Variants in CNTNAP2 observed in about 807,000 individuals in gnomAD.
CNTNAP2 encodes contactin associated protein 2.
CNTNAP2 carries 98 observed loss-of-function variants against 155.2 expected under a neutral mutation model. That is an observed-to-expected ratio of 0.63 (90% CI 0.54 to 0.75). CNTNAP2 has a LOEUF of 0.75. Among genes scored for constraint, CNTNAP2 ranks in the 30% least tolerant of loss-of-function variants. The pLI is 0.00. For synonymous variants in CNTNAP2, 651 were observed against 631.2 expected, an observed-to-expected ratio of 1.03 and a Z score of -0.47; for missense variants, 1,727 against 1,688.1, an observed-to-expected ratio of 1.02 and a Z score of -0.40.
chr7:148,207,442 G>A (rs1467372448), intron 18 of CNTNAP2, among the ~76,000 whole-genome samples: 1 of 152,240 alleles, frequency 6.6e-6, no homozygotes, highest in Non-Finnish European at 1.5e-5. Flanking sequence ...TGGAAGCAGA[G>A]TGAGCACCTC....
rs527357731 is a variant in CNTNAP2 at position 147,525,684 on chromosome 7, TAAG to T, written c.1778-36450_1778-36448del. Among the ~76,000 whole-genome samples, 164 of 152,276 alleles carry T rather than the reference TAAG, an allele frequency of 1.1e-3. 1 individual carries two copies. Among genetic ancestry groups the T allele is most frequent in the African/African-American group, 3.6e-3 (148 of 41,564 alleles). ...TTTAATGGGGCTGTACGTCTTAACATAAGAAGGGAAGATTATGTTAAGAAGCCA... is the reference window on the plus strand; with the variant it reads ...TTTAATGGGGCTGTACGTCTTAACATAAGGGAAGATTATGTTAAGAAGCCA... On this transcript the variant is annotated intron_variant, in intron 11 of 23. Coordinates refer to ENST00000361727, the MANE Select transcript of CNTNAP2 (RefSeq NM_014141.6).
intron 2 of CNTNAP2, among the ~76,000 whole-genome samples, chr7:146,819,549 T>C (rs1348534365): frequency 6.6e-6 from 1 of 152,130 alleles, no homozygotes; most frequent in Non-Finnish European, 1.5e-5. Context: ...ACAGCACTTC[T>C]TTCACTAGAT....
intron 8 of CNTNAP2, among the ~76,000 whole-genome samples, chr7:147,212,180 G>A (rs1803163590): frequency 6.6e-6 from 1 of 152,134 alleles, no homozygotes; most frequent in African/African-American, 2.4e-5. Context: ...ACCATGGAAA[G>A]CAGTTTGGAG....
chr7:146,314,138 ATTC>A (rs2129091260), intron 1 of CNTNAP2, among the ~76,000 whole-genome samples: 1 of 152,232 alleles, frequency 6.6e-6, no homozygotes, highest in Non-Finnish European at 1.5e-5. Context: ...CCTATTATGT[ATTC>A]TTGTCACCTT....
At chr7:148,114,318 A>T (rs1304433726) in intron 15 of CNTNAP2, among the ~76,000 whole-genome samples, 1 of 152,226 alleles carries the variant, frequency 6.6e-6, no homozygotes, top group African/African-American at 2.4e-5. Flanking sequence ...CATCTTTAAC[A>T]CCCAGGTTAC....
chr7:147,358,229 C>T (rs1796093956), intron 9 of CNTNAP2, among the ~76,000 whole-genome samples: 1 of 152,024 alleles, frequency 6.6e-6, no homozygotes, highest in Non-Finnish European at 1.5e-5. Context: ...CTTATAAAAA[C>T]TTTGGACATA....
chr7:147,058,502 A>G (rs1799604648), intron 4 of CNTNAP2, among the ~76,000 whole-genome samples: 1 of 152,260 alleles, frequency 6.6e-6, no homozygotes, highest in South Asian at 2.1e-4. Context: ...CATAAATAGC[A>G]TAAAGGCTGA....
chr7:146,933,827 A>G (rs1280032645), intron 3 of CNTNAP2, among the ~76,000 whole-genome samples: 1 of 152,198 alleles, frequency 6.6e-6, no homozygotes, highest in African/African-American at 2.4e-5. Context: ...GCAGCCAAAA[A>G]GCACATGAAA....
chr7:146,838,527 A>G (rs1273009869), intron 2 of CNTNAP2, among the ~76,000 whole-genome samples: 1 of 152,200 alleles, frequency 6.6e-6, no homozygotes, highest in South Asian at 2.1e-4. Context: ...CATGTTGGCC[A>G]GGCTGATCTC....
At chr7:146,183,003 A>G (rs1412561142) in intron 1 of CNTNAP2, among the ~76,000 whole-genome samples, 1 of 152,124 alleles carries the variant, frequency 6.6e-6, no homozygotes, top group East Asian at 1.9e-4. Flanking sequence ...TTACCATTTA[A>G]TTCTATTAAA....
At chr7:147,036,148 G>T (rs1799147861) in intron 3 of CNTNAP2, among the ~76,000 whole-genome samples, 1 of 152,070 alleles carries the variant, frequency 6.6e-6, no homozygotes, top group Non-Finnish European at 1.5e-5. Context: ...TGTGAGCTAT[G>T]AATAATTTTT....
intron 18 of CNTNAP2, among the ~76,000 whole-genome samples, chr7:148,188,268 G>A (rs141797050): frequency 5.5e-4 from 84 of 152,318 alleles, no homozygotes; most frequent in Non-Finnish European, 1.1e-3. Context: ...ATCAGTAGGA[G>A]TGGGTCTGGG....
intron 1 of CNTNAP2, among the ~76,000 whole-genome samples, chr7:146,204,974 T>C (rs1798924143): frequency 6.6e-6 from 1 of 152,042 alleles, no homozygotes. Flanking sequence ...TAAGGAAATA[T>C]ACTGAGGCAT....
chr7:147,956,670 A>G (rs146855350), intron 14 of CNTNAP2, among the ~76,000 whole-genome samples: 126 of 152,284 alleles, frequency 8.3e-4, no homozygotes, highest in African/African-American at 2.9e-3. Flanking sequence ...TTAATTTTTC[A>G]TCTTGATTGG....
chr7:147,610,340 T>C (rs1342969079), intron 12 of CNTNAP2, among the ~76,000 whole-genome samples: 1 of 152,114 alleles, frequency 6.6e-6, no homozygotes, highest in African/African-American at 2.4e-5. Context: ...TCTCTTGTGA[T>C]CCAAGTTTTC....
At chr7:146,318,109 C>A (rs1800940508) in intron 1 of CNTNAP2, among the ~76,000 whole-genome samples, 1 of 150,822 alleles carries the variant, frequency 6.6e-6, no homozygotes, top group Admixed American at 6.6e-5. Flanking sequence ...CCACTGCACT[C>A]CAGCTTGAGC....
intron 10 of CNTNAP2, among the ~76,000 whole-genome samples, chr7:147,463,004 T>C (rs377083558): frequency 1.1e-4 from 17 of 152,210 alleles, no homozygotes; most frequent in African/African-American, 3.9e-4. Context: ...ATTAAATGGG[T>C]TATGTTCCAT....
intron 15 of CNTNAP2, among the ~76,000 whole-genome samples, chr7:148,117,210 A>G (rs1474447253): frequency 6.6e-6 from 1 of 152,184 alleles, no homozygotes; most frequent in Non-Finnish European, 1.5e-5. Flanking sequence ...GTACAATCAC[A>G]TCTTCTCCAA....
At chr7:147,725,824 TCA>T (rs1237340745) in intron 13 of CNTNAP2, among the ~76,000 whole-genome samples, 1 of 152,064 alleles carries the variant, frequency 6.6e-6, no homozygotes, top group African/African-American at 2.4e-5. Flanking sequence ...CTTGAAAAGA[TCA>T]CAGAGCTGCT....
Sources: allele counts gnomAD v4.1 joint callset (sites outside exome capture counted in the v4.1 genomes callset), GRCh38; gene constraint gnomAD v4.1.1; transcripts MANE v1.5; gene names NCBI Gene and HGNC (gene_info 2026-07-23, HGNC 2026-07-21).